FSHR: variants seen among roughly 807,000 people sequenced by gnomAD.
The protein encoded by FSHR is follicle stimulating hormone receptor.
FSHR carries 46 observed loss-of-function variants against 52.1 expected under a neutral mutation model. The observed-to-expected ratio is 0.88, with a 90% CI of 0.70 to 1.13. FSHR has a LOEUF of 1.13. Among genes scored for constraint, FSHR ranks in the 50% most tolerant of loss-of-function variants. The pLI, the probability that FSHR is intolerant of heterozygous loss-of-function variation, is 0.00. For synonymous variants in FSHR, 399 were observed against 309.6 expected (o/e 1.29, Z -3.03); for missense variants, 964 against 834.6 (o/e 1.16, Z -1.91).
chr2:49,050,959 T>G (rs1504178), intron 2 of FSHR, among the ~76,000 whole-genome samples: 1 of 151,994 alleles, frequency 6.6e-6, no homozygotes, highest in Non-Finnish European at 1.5e-5. Flanking sequence ...TTCTTCTTTT[T>G]TGAGGTTCAT....
intron 1 of FSHR, among the ~76,000 whole-genome samples, chr2:49,147,028 A>G (rs558603299): frequency 1.3e-5 from 2 of 152,178 alleles, no homozygotes; most frequent in East Asian, 3.9e-4. Context: ...AGTATAATTG[A>G]ATTCAAGTGC....
chr2:48,987,096 G>A (rs1675547548), intron 6 of FSHR, among the ~76,000 whole-genome samples: 1 of 152,022 alleles, frequency 6.6e-6, no homozygotes, highest in African/African-American at 2.4e-5. Context: ...AAGTAACCCA[G>A]GAATCCTTTT....
At chr2:49,118,399 C>T (rs1057437459) in intron 1 of FSHR, among the ~76,000 whole-genome samples, 2 of 152,154 alleles carry the variant, frequency 1.3e-5, no homozygotes, top group Admixed American at 6.5e-5. Flanking sequence ...GGTGCCGGCA[C>T]TAGTTGCACC....
At chr2:49,039,137 TG>T (rs1668395898) in intron 2 of FSHR, among the ~76,000 whole-genome samples, 1 of 152,154 alleles carries the variant, frequency 6.6e-6, no homozygotes, top group South Asian at 2.1e-4. Flanking sequence ...CAGGTTATTT[TG>T]TTGTAGCAAG....
At chr2:49,136,031 G>A (rs1449710997) in intron 1 of FSHR, among the ~76,000 whole-genome samples, 1 of 151,436 alleles carries the variant, frequency 6.6e-6, no homozygotes, top group Non-Finnish European at 1.5e-5. Context: ...ATGGTCAAGT[G>A]TCAACAGAAA....
chr2:48,988,766 T>G (rs559237734), intron 6 of FSHR, among the ~76,000 whole-genome samples: 2 of 152,336 alleles, frequency 1.3e-5, no homozygotes, highest in African/African-American at 2.4e-5. Context: ...TTTAAATACT[T>G]GAATCACACC....
At chr2:49,038,693 C>A (rs6741370) in intron 2 of FSHR, among the ~76,000 whole-genome samples, 33,954 of 147,016 alleles carry the variant, frequency 0.23, 4,292 homozygotes, top group East Asian at 0.33. Flanking sequence ...GGAATTTAAA[C>A]ACAAGATACA....
chr2:49,035,495 G>A (rs1668242785), intron 2 of FSHR, among the ~76,000 whole-genome samples: 1 of 152,144 alleles, frequency 6.6e-6, no homozygotes, highest in Admixed American at 6.5e-5. Context: ...GGCCTCTGTG[G>A]CTATGCCTAC....
intron 1 of FSHR, among the ~76,000 whole-genome samples, chr2:49,125,033 T>C (rs1051144990): frequency 3.3e-5 from 5 of 152,240 alleles, no homozygotes; most frequent in African/African-American, 1.2e-4. Context: ...CCAGAGTCAC[T>C]GCTCTTGCTT....
chr2:49,055,504 G>C (rs1198201403), intron 2 of FSHR, among the ~76,000 whole-genome samples: 1 of 109,578 alleles, frequency 9.1e-6, no homozygotes, highest in Admixed American at 1.2e-4. Context: ...TATTGGGAGA[G>C]AGATGAACAT....
intron 2 of FSHR, among the ~76,000 whole-genome samples, chr2:49,046,687 T>C (rs757556616): frequency 7.2e-5 from 11 of 152,226 alleles, no homozygotes; most frequent in Non-Finnish European, 1.6e-4. Context: ...GACTACCAGG[T>C]AAGTTTCATC....
intron 1 of FSHR, among the ~76,000 whole-genome samples, chr2:49,094,747 T>G (rs1352446236): frequency 6.6e-6 from 1 of 151,804 alleles, no homozygotes; most frequent in African/African-American, 2.4e-5. Flanking sequence ...TAACTTAAAC[T>G]TTAAGAAATT....
intron 1 of FSHR, among the ~76,000 whole-genome samples, chr2:49,110,072 T>A (rs1457687766): frequency 6.6e-6 from 1 of 152,166 alleles, no homozygotes; most frequent in Non-Finnish European, 1.5e-5. Flanking sequence ...TTTTGTAAAC[T>A]GAGTCATGCA....
intron 4 of FSHR, among the ~76,000 whole-genome samples, chr2:49,016,635 G>C (rs1184191153): frequency 2.6e-5 from 4 of 152,152 alleles, no homozygotes. Context: ...GGCAGACCTA[G>C]TCCAGATCAG....
At chr2:49,150,077 C>G (rs1314346830) in intron 1 of FSHR, among the ~76,000 whole-genome samples, 1 of 151,912 alleles carries the variant, frequency 6.6e-6, no homozygotes, top group East Asian at 1.9e-4. Flanking sequence ...ATTCTAACTG[C>G]AGGAAGAATA....
chr2:49,041,162 A>G (rs959785519), intron 2 of FSHR, among the ~76,000 whole-genome samples: 1 of 152,222 alleles, frequency 6.6e-6, no homozygotes, highest in Non-Finnish European at 1.5e-5. Context: ...AACTCTAATT[A>G]AATGAAATGG....
rs1407632653 is a variant in FSHR, at chr2:49,012,419, T to C, written c.374+5070A>G. On this transcript the variant is annotated intron_variant, in intron 4 of 9. Coordinates refer to ENST00000406846, the MANE Select transcript of FSHR (RefSeq NM_000145.4). ...ACTTCTTTATTCATGAGTTTTTTTT[T>C]CCTAACCACTTAAGGTTCCTCAGTG... Among the ~76,000 whole-genome samples, 9 of 152,256 alleles carry C rather than the reference T, an allele frequency of 5.9e-5. No individual in the cohort carries two copies. In the South Asian group the frequency reaches 1.0e-3, roughly 18 times the overall value.
chr2:48,998,526 A>G (rs1338716993), intron 4 of FSHR, among the ~76,000 whole-genome samples: 1 of 152,088 alleles, frequency 6.6e-6, no homozygotes, highest in Non-Finnish European at 1.5e-5. Flanking sequence ...AGTAAAATTC[A>G]GCTGGTGTAT....
intron 8 of FSHR, among the ~76,000 whole-genome samples, chr2:48,975,519 G>A (rs561839865): frequency 6.6e-5 from 10 of 152,188 alleles, no homozygotes; most frequent in South Asian, 4.2e-4. Context: ...TGGCCTCCCC[G>A]GTTCTGAAGC....
Sources: gnomAD v4.1 joint callset for allele counts (sites outside exome capture counted in the v4.1 genomes callset) on GRCh38, gnomAD v4.1.1 for gene constraint, MANE v1.5 for transcripts, NCBI Gene and HGNC (gene_info 2026-07-23, HGNC 2026-07-21) for gene names.